The following ACOT1 variants were observed in gnomAD, a reference collection of about 807,000 sequenced individuals.
ACOT1 encodes the protein acyl-coenzyme A thioesterase 1.
In ACOT1, 8 loss-of-function variants were observed where a neutral mutation model predicts 15.7. The ratio of observed to expected loss-of-function variants is 0.51; its 90% CI spans 0.30 to 0.92. The LOEUF (loss-of-function observed/expected upper bound fraction) is 0.92, where lower values mean the gene tolerates loss of function less well. Ranked by LOEUF, ACOT1 falls within the 40% of genes least tolerant of loss-of-function variation. ACOT1 has a pLI of 0.06. For missense variants in ACOT1, 151 were observed against 539.4 expected (o/e 0.28, Z 7.13); for synonymous variants, 67 against 241.2 (o/e 0.28, Z 6.69).
chr14:73,530,765 T>C, the ACOT1 span, among the ~76,000 whole-genome samples: 1 of 114,540 alleles, frequency 8.7e-6, no homozygotes, highest in Non-Finnish European at 1.9e-5. Flanking sequence ...GCTGGGAGCA[T>C]AGGCACATAG....
chr14:73,509,395 C>A, the ACOT1 span: 2 of 1,614,062 alleles, frequency 1.2e-6, no homozygotes, highest in Non-Finnish European at 1.7e-6. Context: ...TGCTGCCATC[C>A]GCACATGGGC....
At chr14:73,500,772 T>A in the ACOT1 span, 2 of 1,586,232 alleles carry the variant, frequency 1.3e-6, no homozygotes, top group East Asian at 4.5e-5. Flanking sequence ...CCTTAAACTT[T>A]CAGTACCTAA....
At chr14:73,505,248 C>G in the ACOT1 span, among the ~76,000 whole-genome samples, 1 of 152,054 alleles carries the variant, frequency 6.6e-6, no homozygotes, top group African/African-American at 2.4e-5. Flanking sequence ...TAAATTTAAC[C>G]CACACTAATC....
the ACOT1 span, among the ~76,000 whole-genome samples, chr14:73,514,414 A>G: frequency 2.6e-5 from 4 of 152,148 alleles, no homozygotes; most frequent in South Asian, 8.3e-4. Flanking sequence ...GGAATTATGG[A>G]AAGTCCTGAC....
chr14:73,513,728 CAAAAAAAAAAAAAAAAA>C, the ACOT1 span, among the ~76,000 whole-genome samples: 1 of 46,758 alleles, frequency 2.1e-5, no homozygotes, highest in East Asian at 9.0e-4. Context: ...ACTACGTCTC[CAAAAAAAAAAAAAAAAA>C]AAAAAAAAAA....
the ACOT1 span, chr14:73,519,303 G>A: frequency 1.4e-6 from 1 of 704,498 alleles, no homozygotes; most frequent in South Asian, 2.7e-5. Flanking sequence ...CATACTCTGG[G>A]GCATCCCTTG....
chr14:73,542,686 G>A lies in ACOT1; in HGVS notation c.661-364G>A, dbSNP rs1421811100. Among the ~76,000 whole-genome samples the A allele has an allele frequency of 2.7e-5, 3 of 111,770 alleles. 1 individual carries two copies. The highest frequency in any genetic ancestry group is 9.1e-5 in the African/African-American group (3 of 32,954). The allele number at this position is 111,770 out of a possible 152,430, so 73.3% of individuals were successfully genotyped here. On this transcript the variant is annotated intron_variant, in intron 2 of 2. Transcript: ENST00000311148. The stretch of plus-strand genomic sequence containing the variant: ...CTCCCAAACTGTTGGGATTACAGGC[G>A]TCAGCCACCACGCCCGGCCATGAGA...
the ACOT1 span, chr14:73,518,884 G>A: frequency 3.2e-4 from 233 of 733,392 alleles, 3 homozygotes; most frequent in South Asian, 4.4e-3. Context: ...TTTTTAGTAC[G>A]TAGAAAGGGG....
the ACOT1 span, chr14:73,500,541 C>T: frequency 6.2e-7 from 1 of 1,611,086 alleles, no homozygotes; most frequent in Non-Finnish European, 8.5e-7. Context: ...ATATGTTTCC[C>T]TGACTCACCA....
At chr14:73,504,393 C>T in the ACOT1 span, among the ~76,000 whole-genome samples, 1 of 152,266 alleles carries the variant, frequency 6.6e-6, no homozygotes, top group South Asian at 2.1e-4. Flanking sequence ...CAGGTGCCTG[C>T]CACCACACCC....
the ACOT1 span, among the ~76,000 whole-genome samples, chr14:73,514,790 C>T: frequency 2.6e-5 from 4 of 152,068 alleles, no homozygotes; most frequent in Admixed American, 6.6e-5. Flanking sequence ...TATAGTTGGC[C>T]GGGTACGGTG....
the ACOT1 span, among the ~76,000 whole-genome samples, chr14:73,509,840 A>T: frequency 1.3e-5 from 1 of 75,766 alleles, no homozygotes; most frequent in Non-Finnish European, 2.9e-5. Flanking sequence ...ATATATATAT[A>T]TATATATATA....
Position 73,541,134 on chromosome 14 carries a change from C to T in ACOT1, c.458-359C>T, listed in dbSNP as rs1325202311. On this transcript the variant is annotated intron_variant, in intron 1 of 2. Coordinates refer to ENST00000311148, the MANE Select transcript of ACOT1 (RefSeq NM_001037161.2). ...AAGTGGAGTCATTCAGAATGAGTAGCCTTTTGAGTCTGTCTCCATTGAATA... is the reference window on the plus strand; with the variant it reads ...AAGTGGAGTCATTCAGAATGAGTAGTCTTTTGAGTCTGTCTCCATTGAATA... Among the ~76,000 whole-genome samples the T allele has an allele frequency of 1.8e-5, 2 of 112,376 alleles. 1 individual carries two copies. Among genetic ancestry groups the T allele is most frequent in the Non-Finnish European group, 3.8e-5 (2 of 52,140 alleles). 73.7% of individuals were successfully genotyped at this position (112,376 alleles called of 152,430 possible).
the ACOT1 span, chr14:73,492,762 C>A: frequency 1.1e-5 from 18 of 1,613,892 alleles, no homozygotes; most frequent in Non-Finnish European, 1.5e-5. This position sits in a 1 kb window ranked among gnomAD's most constrained non-coding sequence, Gnocchi z 4.9. Context: ...CTGGAAGAAC[C>A]CAAGTGCTTG....
chr14:73,505,713 T>C, the ACOT1 span, among the ~76,000 whole-genome samples: 69 of 151,860 alleles, frequency 4.5e-4, no homozygotes, highest in South Asian at 8.3e-4. Context: ...TTTATATGTG[T>C]GTGCCGAACA....
chr14:73,491,484 C>G, the ACOT1 span: 9 of 1,498,990 alleles, frequency 6.0e-6, no homozygotes, highest in Non-Finnish European at 8.0e-6. Flanking sequence ...CAACACTTAG[C>G]GGCCGTCCAG....
the ACOT1 span, chr14:73,521,009 T>G: frequency 6.2e-7 from 1 of 1,613,650 alleles, no homozygotes; most frequent in Non-Finnish European, 8.5e-7. Context: ...TGATCTCAAC[T>G]GTCTCTGCTT....
At chr14:73,504,853 G>A in the ACOT1 span, among the ~76,000 whole-genome samples, 5 of 152,110 alleles carry the variant, frequency 3.3e-5, no homozygotes, top group African/African-American at 7.2e-5. Context: ...GAAGATGATT[G>A]GGAAATAATG....
At chr14:73,529,851 T>TA in the ACOT1 span, among the ~76,000 whole-genome samples, 7 of 150,640 alleles carry the variant, frequency 4.6e-5, no homozygotes, top group Non-Finnish European at 7.4e-5. Context: ...CTGAAAGCTT[T>TA]AAAAAAATAA....
Sources: gnomAD v4.1 joint callset for allele counts (sites outside exome capture counted in the v4.1 genomes callset) on GRCh38, gnomAD v4.1.1 for gene constraint, Gnocchi (gnomAD v3.1) non-coding constraint, MANE v1.5 for transcripts, NCBI Gene and HGNC (gene_info 2026-07-23, HGNC 2026-07-21) for gene names.